Variants in DCAF17 observed in about 807,000 individuals in gnomAD.
DCAF17 encodes DDB1 and CUL4 associated factor 17, also known as DDB1- and CUL4-associated factor 17.
Under a neutral mutation model 66.0 loss-of-function variants are expected in DCAF17, and 48 were observed. The observed-to-expected ratio is 0.73, with a 90% CI of 0.58 to 0.92. The LOEUF is 0.92. Ranked by LOEUF, DCAF17 falls within the 40% of genes least tolerant of loss-of-function variation. DCAF17 has a pLI of 0.00. For synonymous variants in DCAF17, 206 were observed against 214.6 expected (o/e 0.96, Z 0.35); for missense variants, 562 against 622.8 (o/e 0.90, Z 1.04).
chr2:171,441,043 A>G (rs1448933448), intron 2 of DCAF17, among the ~76,000 whole-genome samples: 1 of 152,126 alleles, frequency 6.6e-6, no homozygotes, highest in Non-Finnish European at 1.5e-5. Flanking sequence ...TTTTCTGGTT[A>G]TTTCTGGCAA....
intron 2 of DCAF17, 137 bp from the exon 3 acceptor site, chr2:171,443,380 AAATATT>A (rs1237560135): frequency 6.4e-5 from 40 of 623,640 alleles, no homozygotes; most frequent in Non-Finnish European, 8.7e-5. Context: ...GATCAGAAAA[AAATATT>A]AATATTTAGT....
rs114982618 is a variant in DCAF17, at chr2:171,436,030, T to G, written c.230+844T>G. On this transcript the variant is annotated intron_variant, in intron 2 of 13. Transcript: ENST00000375255. ...GCCCTAAGCAACCACTAGTCTGTTT[T>G]CTGTCTGTAGATTCACCTATTCTGT... is the stretch of plus-strand genomic sequence containing the variant. 5.8e-3 allele frequency among the ~76,000 whole-genome samples: 881 copies of G among 152,344 alleles called. 8 individuals carry two copies. Among genetic ancestry groups the G allele is most frequent in the African/African-American group, 0.02 (838 of 41,576 alleles).
Position 171,468,902 on chromosome 2 carries a change from C to A in DCAF17, c.853C>A (p.Leu285Ile), listed in dbSNP as rs779556352. The part of the protein sequence containing the change: ...NIKITDMPPL[L>I]FEVSSLENAF... ...TGTCTCTACAGACATGCCACCACTG[C>A]TCTTTGAGGTGTCATCCCTGGAGAA... The change falls in exon 9 of 14, where the codon CTC becomes ATC. Residue 285 changes from leucine to isoleucine, a missense_variant. Around this residue, in one of 3 missense-constraint regions of DCAF17, gnomAD observed 348 missense variants for 355.9 expected, o/e 0.98. Coordinates refer to ENST00000375255, the MANE Select transcript of DCAF17 (RefSeq NM_025000.4). 6.2e-7 allele frequency: 1 copy of A among 1,614,132 alleles called. No individual in the cohort carries two copies. Among genetic ancestry groups the A allele is most frequent in the South Asian group, 1.1e-5 (1 of 91,078 alleles).
At chr2:171,446,767 A>T (rs117406597) in intron 3 of DCAF17, among the ~76,000 whole-genome samples, 1 of 152,212 alleles carries the variant, frequency 6.6e-6, no homozygotes, top group Non-Finnish European at 1.5e-5. Context: ...TGCATTGTGA[A>T]TGTAACATTT....
At chr2:171,445,035 G>A (rs566727657) in intron 3 of DCAF17, among the ~76,000 whole-genome samples, 89 of 152,242 alleles carry the variant, frequency 5.8e-4, no homozygotes, top group Non-Finnish European at 9.7e-4. Flanking sequence ...TTTCATTGGG[G>A]AGTATGGGGG....
chr2:171,434,394 C>G lies in DCAF17; in HGVS notation c.-184C>G. 1 of 1,005,220 alleles carries G rather than the reference C, an allele frequency of 9.9e-7. No homozygotes were observed. Among genetic ancestry groups the G allele is most frequent in the Non-Finnish European group, 1.5e-6 (1 of 668,340 alleles). The allele number at this position is 1,005,220 out of a possible 1,614,324, so 62.3% of individuals were successfully genotyped here. ...TCTCTCCGCGCTCTGGCGGTGCAAG[C>G]GGCTCTGCTTTCCCTCGCCCCGCCG... On this transcript the variant is annotated 5_prime_UTR_variant, in exon 1 of 14. Transcript: ENST00000375255.
chr2:171,468,862 A>G (rs1167986453), intron 8 of DCAF17, 26 bp from the exon 9 acceptor site: 1 of 1,614,038 alleles, frequency 6.2e-7, no homozygotes, highest in Non-Finnish European at 8.5e-7. Flanking sequence ...AGTGCAGCTA[A>G]TGAATTCCTT....
intron 2 of DCAF17, among the ~76,000 whole-genome samples, chr2:171,439,733 G>A (rs1694193832): frequency 6.6e-6 from 1 of 151,818 alleles, no homozygotes; most frequent in Non-Finnish European, 1.5e-5. Context: ...TTCGACACCA[G>A]CCTGGCCAAC....
chr2:171,453,078 T>C lies in DCAF17; in HGVS notation c.538-46T>C, dbSNP rs1181827655. 2.9e-6 allele frequency: 4 copies of C among 1,359,830 alleles called. No individual in the cohort carries two copies. In the South Asian group the frequency reaches 3.8e-5, roughly 13 times the overall value. 84.2% of individuals were successfully genotyped at this position (1,359,830 alleles called of 1,614,324 possible). A position where few individuals can be genotyped will look rare whatever the true frequency, so the allele number is the denominator to read the frequency against. On this transcript the variant is annotated intron_variant, in intron 5 of 13. Coordinates refer to ENST00000375255, the MANE Select transcript of DCAF17 (RefSeq NM_025000.4). ...TCAACTAATGAAAACAGTGTGTTTCTGAAGTACTTTTGAGAGCTGCGTGTA... is the reference window on the plus strand; with the variant it reads ...TCAACTAATGAAAACAGTGTGTTTCCGAAGTACTTTTGAGAGCTGCGTGTA...
intron 8 of DCAF17, among the ~76,000 whole-genome samples, chr2:171,462,414 ATTG>A (rs1695638937): frequency 6.6e-6 from 1 of 152,212 alleles, no homozygotes; most frequent in Non-Finnish European, 1.5e-5. Flanking sequence ...ATCAAAGGAT[ATTG>A]TTTAAAAGAA....
intron 3 of DCAF17, among the ~76,000 whole-genome samples, chr2:171,444,163 TAA>T (rs1694480921): frequency 6.6e-6 from 1 of 152,180 alleles, no homozygotes; most frequent in Admixed American, 6.5e-5. Context: ...ATTCTGAGTT[TAA>T]GACTGTAAAC....
At chr2:171,476,687 G>A (rs1173749857) in intron 10 of DCAF17, among the ~76,000 whole-genome samples, 173 bp from the exon 11 acceptor site, 1 of 152,174 alleles carries the variant, frequency 6.6e-6, no homozygotes, top group East Asian at 1.9e-4. Flanking sequence ...CTCCGAATTT[G>A]AAGGAGTTCA....
At chr2:171,440,488 T>G (rs937894226) in intron 2 of DCAF17, among the ~76,000 whole-genome samples, 2 of 152,018 alleles carry the variant, frequency 1.3e-5, no homozygotes, top group Admixed American at 6.6e-5. Context: ...GGTGGGAGGA[T>G]CGCTTGAGCC....
At chr2:171,465,284 T>A (rs557827863) in intron 8 of DCAF17, among the ~76,000 whole-genome samples, 1 of 152,250 alleles carries the variant, frequency 6.6e-6, no homozygotes, top group South Asian at 2.1e-4. Flanking sequence ...CCAGTAAGTA[T>A]ACACATGGAG....
At chr2:171,447,432 C>T in intron 3 of DCAF17, 1 of 291,684 alleles carries the variant, frequency 3.4e-6, no homozygotes, top group Non-Finnish European at 6.7e-6. Flanking sequence ...ACGATCTCAG[C>T]TCACCGCAAC....
At position 171,483,726 on chromosome 2, in the gene DCAF17, C is replaced by G. The variant is rs1487189078; in HGVS notation, c.*2612C>G. On this transcript the variant is annotated 3_prime_UTR_variant, in exon 14 of 14. Coordinates refer to ENST00000375255, the MANE Select transcript of DCAF17 (RefSeq NM_025000.4). ...ATACAGTATAAGTAAAGTGGGTTGT[C>G]TCATTTAATATTCAGAATAACCACA... 2.2e-6 allele frequency: 1 copy of G among 453,838 alleles called. No homozygotes were observed. Among genetic ancestry groups the G allele is most frequent in the African/African-American group, 2.0e-5 (1 of 49,958 alleles). The allele number at this position is 453,838 out of a possible 1,614,324, so 28.1% of individuals were successfully genotyped here.
In DCAF17 at chr2:171,474,002, G is replaced by A. The variant is rs868360133; in HGVS notation, c.1091+27G>A. ...TGAGTAATCTCATTAGCACTTGAAA[G>A]TTAAGAGCAGCTTTTGGTAGCATTT... On this transcript the variant is annotated intron_variant, in intron 10 of 13. Coordinates refer to ENST00000375255, the MANE Select transcript of DCAF17 (RefSeq NM_025000.4). 43 of 1,572,814 alleles carry A rather than the reference G, an allele frequency of 2.7e-5. No individual in the cohort carries two copies. In the Middle Eastern group the frequency reaches 4.8e-3, roughly 177 times the overall value.
In DCAF17 at chr2:171,449,954, G is replaced by T. The variant is rs1384873896; in HGVS notation, c.534G>T (p.Arg178=). The T allele has an allele frequency of 1.2e-6, 2 of 1,612,470 alleles. No homozygotes were observed. The highest frequency in any genetic ancestry group is 1.1e-5 in the South Asian group (1 of 91,046). ...AGAACAGAGGCTCAGCAGTGGCCCG[G>T]CAGGTATACATATTTAAACATTCAA... is the stretch of plus-strand genomic sequence containing the variant. ...SAQNRGSAVA[R]QAGIQQHVLL... Residue 178 remains arginine, a synonymous_variant, in exon 5 of 14, where the codon CGG becomes CGT. Coordinates refer to ENST00000375255, the MANE Select transcript of DCAF17 (RefSeq NM_025000.4).
intron 2 of DCAF17, among the ~76,000 whole-genome samples, chr2:171,439,071 G>A (rs538959870): frequency 2.5e-4 from 38 of 151,974 alleles, no homozygotes; most frequent in African/African-American, 8.7e-4. Flanking sequence ...GCTCTCTGAA[G>A]AGAAATCCAA....
Sources: allele counts gnomAD v4.1 joint callset (sites outside exome capture counted in the v4.1 genomes callset), GRCh38; gene constraint gnomAD v4.1.1; regional missense constraint gnomAD v4.1.1; transcripts MANE v1.5; gene names NCBI Gene and HGNC (gene_info 2026-07-23, HGNC 2026-07-21).